TMEM67: variants seen among roughly 807,000 people sequenced by gnomAD.
TMEM67 encodes the protein transmembrane protein 67, also known as meckelin.
A neutral mutation model predicts 136.6 loss-of-function variants in TMEM67; 124 were observed. That is an observed-to-expected ratio of 0.91 (90% CI 0.78 to 1.05). The LOEUF is 1.05. Among genes scored for constraint, TMEM67 ranks in the 50% least tolerant of loss-of-function variants. TMEM67 has a pLI of 0.00. For missense variants in TMEM67, 1,107 were observed against 1,178.4 expected (o/e 0.94, Z 0.89); for synonymous variants, 364 against 390.5 (o/e 0.93, Z 0.80).
In TMEM67 at chr8:93,797,116, A is replaced by G; in HGVS notation, c.1861-18A>G. The G allele has an allele frequency of 5.4e-6, 8 of 1,481,690 alleles. No individual in the cohort carries two copies. Among genetic ancestry groups the G allele is most frequent in the South Asian group, 4.5e-5 (4 of 88,192 alleles). The allele number at this position is 1,481,690 out of a possible 1,614,324, so 91.8% of individuals were successfully genotyped here. ...ACGCTGGTACTTTTTCAGGTGTTTT[A>G]TTATATGTCATTCTCAGGCACTACA... On this transcript the variant is annotated intron_variant, in intron 18 of 27. Transcript: ENST00000453321.
intron 7 of TMEM67, among the ~76,000 whole-genome samples, chr8:93,779,756 G>A (rs575744054): frequency 6.6e-6 from 1 of 152,276 alleles, no homozygotes; most frequent in African/African-American, 2.4e-5. Context: ...CTTCGTCCCA[G>A]AGGGGCGCCC....
At chr8:93,828,622 C>G in the TMEM67 span, among the ~76,000 whole-genome samples, 1 of 152,010 alleles carries the variant, frequency 6.6e-6, no homozygotes, top group Non-Finnish European at 1.5e-5. Context: ...TGCCTGTAAT[C>G]CCAGCTACTC....
intron 14 of TMEM67, 82 bp from the exon 15 acceptor site, chr8:93,791,181 G>C: frequency 1.1e-6 from 1 of 938,052 alleles, no homozygotes; most frequent in Non-Finnish European, 1.7e-6. Context: ...GTAAAACCCA[G>C]CTACAAATGT....
chr8:93,769,190 G>A (rs569956801), intron 6 of TMEM67, among the ~76,000 whole-genome samples: 29 of 152,252 alleles, frequency 1.9e-4, no homozygotes, highest in Admixed American at 1.7e-3. Flanking sequence ...TGATGGGCTC[G>A]TGGGGCAGCT....
Position 93,765,214 on chromosome 8 carries a change from T to C in TMEM67, c.507-192T>C, listed in dbSNP as rs536807539. Among the ~76,000 whole-genome samples, 3 of 152,344 alleles carry C rather than the reference T, an allele frequency of 2.0e-5. No homozygotes were observed. The East Asian group carries it at 5.8e-4, about 29-fold the overall frequency. ...CTCTTCTATTATTGATTAGTTTTACTTACTTTATACTTTGTAACACAGAAT... is the reference window on the plus strand; with the variant it reads ...CTCTTCTATTATTGATTAGTTTTACCTACTTTATACTTTGTAACACAGAAT... On this transcript the variant is annotated intron_variant, in intron 4 of 27. Transcript: ENST00000453321.
intron 13 of TMEM67, among the ~76,000 whole-genome samples, chr8:93,787,209 AT>A (rs753483195): frequency 7.9e-5 from 12 of 152,002 alleles, no homozygotes; most frequent in Non-Finnish European, 1.8e-4. Flanking sequence ...ATTTGGCAAA[AT>A]GAACCTCACT....
In TMEM67 at chr8:93,795,903, A is replaced by C; in HGVS notation, c.1776A>C (p.Ala592=). 6.3e-7 allele frequency: 1 copy of C among 1,595,500 alleles called. No homozygotes were observed. The highest frequency in any genetic ancestry group is 8.6e-7 in the Non-Finnish European group (1 of 1,163,496). Residue 592 remains alanine, a splice_region_variant and synonymous_variant, in exon 18 of 28, where the codon GCA becomes GCC. Transcript: ENST00000453321. The stretch of plus-strand genomic sequence containing the variant: ...TAATCAAGTAATTTTTATTATAGGC[A>C]CAGAAGTCTGTGTCTGTTTTGCTGC... The part of the protein sequence containing the change: ...TGLYWLIFFK[A]QKSVSVLLPM...
intron 3 of TMEM67, chr8:93,761,935 G>C (rs1215428908): frequency 2.0e-5 from 3 of 152,222 alleles, no homozygotes; most frequent in Non-Finnish European, 4.4e-5. Flanking sequence ...CCTGGGAATA[G>C]TGGGAAAGAG....
intron 23 of TMEM67, among the ~76,000 whole-genome samples, chr8:93,805,461 G>T (rs1406214332): frequency 6.6e-6 from 1 of 151,934 alleles, no homozygotes; most frequent in Non-Finnish European, 1.5e-5. Flanking sequence ...GCGGGCGCCT[G>T]TAGTCCCAGC....
In TMEM67 at chr8:93,817,431, A is replaced by T. The variant is rs1392002948; in HGVS notation, c.*979A>T. On this transcript the variant is annotated 3_prime_UTR_variant, in exon 28 of 28. Coordinates refer to ENST00000453321, the MANE Select transcript of TMEM67 (RefSeq NM_153704.6). ...TCCCAGCTATTTGGGAGGCTGAGGCATGAGAATAGCTTGAAACCAGGAGGT... is the reference window on the plus strand; with the variant it reads ...TCCCAGCTATTTGGGAGGCTGAGGCTTGAGAATAGCTTGAAACCAGGAGGT... 6.6e-6 allele frequency: 1 copy of T among 152,218 alleles called. No individual in the cohort carries two copies. Among genetic ancestry groups the T allele is most frequent in the Non-Finnish European group, 1.5e-5 (1 of 68,052 alleles). 9.4% of individuals were successfully genotyped at this position (152,218 alleles called of 1,614,324 possible).
rs375719305 is a variant in TMEM67 at position 93,816,387 on chromosome 8, C to T, written c.2923C>T (p.Arg975Cys). Reference sequence around the variant, plus strand: ...AATTTTCCAGATTTTTAGATATATCCGTAATACAGTAGGACAAAAGAATTT... The same window carrying T: ...AATTTTCCAGATTTTTAGATATATCTGTAATACAGTAGGACAAAAGAATTT... Reference protein sequence around the residue: ...YLQQEIFRYIRNTVGQKNLAS... With the variant: ...YLQQEIFRYICNTVGQKNLAS... The change falls in exon 28 of 28, where the codon CGT becomes TGT. Residue 975 changes from arginine to cysteine, a missense_variant. By Grantham distance (180) the Arg-to-Cys change is radical. Transcript: ENST00000453321. 3.0e-5 allele frequency: 47 copies of T among 1,562,700 alleles called. No homozygotes were observed. The highest frequency in any genetic ancestry group is 8.1e-5 in the African/African-American group (6 of 73,646).
At chr8:93,821,167 CACTT>C (rs1363522316), downstream of TMEM67, among the ~76,000 whole-genome samples, 1 of 152,146 alleles carries the variant, frequency 6.6e-6, no homozygotes, top group East Asian at 1.9e-4. Flanking sequence ...CTCTATGTCA[CACTT>C]ACACAAAAAT....
chr8:93,786,491 C>A, intron 13 of TMEM67, 145 bp downstream of exon 13: 3 of 911,736 alleles, frequency 3.3e-6, no homozygotes, highest in South Asian at 1.5e-5. Flanking sequence ...TTGGCATAGA[C>A]CAGTAAAAGT....
In TMEM67 at chr8:93,754,964, T is replaced by A. The variant is rs1563672487; in HGVS notation, c.50T>A (p.Leu17Ter). The change falls in exon 1 of 28, where the codon TTA becomes TAA. Residue 17 changes from leucine to a stop codon, truncating the protein, a stop_gained. Transcript: ENST00000453321. LOFTEE classifies it high-confidence loss of function. ...AGVAMAVWSL[L>*]SARAVTAFLL... ...GTGGCAATGGCGGTTTGGTCCCTCTTATCCGCCCGGGCCGTGACCGCGTTC... is the reference window on the plus strand; with the variant it reads ...GTGGCAATGGCGGTTTGGTCCCTCTAATCCGCCCGGGCCGTGACCGCGTTC... The A allele has an allele frequency of 1.2e-6, 2 of 1,614,168 alleles. No homozygotes were observed. Among genetic ancestry groups the A allele is most frequent in the South Asian group, 2.2e-5 (2 of 91,082 alleles).
intron 10 of TMEM67, among the ~76,000 whole-genome samples, 193 bp from the exon 11 acceptor site, chr8:93,782,202 C>T (rs886736260): frequency 3.5e-4 from 54 of 152,292 alleles, no homozygotes; most frequent in African/African-American, 1.3e-3. Context: ...GCATGAGCCA[C>T]CATGCCTGGC....
downstream of TMEM67, among the ~76,000 whole-genome samples, chr8:93,823,259 G>A (rs963907527): frequency 1.3e-5 from 2 of 152,166 alleles, no homozygotes; most frequent in African/African-American, 4.8e-5. Context: ...TCTTTGACTT[G>A]GAAGGACTTC....
At position 93,817,003 on chromosome 8, in the gene TMEM67, TG is replaced by T. The variant is rs1265101074; in HGVS notation, c.*552del. On this transcript the variant is annotated 3_prime_UTR_variant, in exon 28 of 28. Coordinates refer to ENST00000453321, the MANE Select transcript of TMEM67 (RefSeq NM_153704.6). The stretch of plus-strand genomic sequence containing the variant: ...CCTCTTTGGCAGTGGATTAATTCAC[TG>T]TTGGGTTAATATGCATCTCATGAAA... 1.3e-5 allele frequency: 2 copies of T among 152,650 alleles called. No individual in the cohort carries two copies. The highest frequency in any genetic ancestry group is 4.8e-5 in the African/African-American group (2 of 41,484). 9.5% of individuals were successfully genotyped at this position (152,650 alleles called of 1,614,324 possible).
In TMEM67 at chr8:93,758,462, A is replaced by AT. The variant is rs367575555; in HGVS notation, c.313-13dup. On this transcript the variant is annotated intron_variant, in intron 2 of 27. Transcript: ENST00000453321. ...AAAGTTAATTAAAAAAGAGAAAAGCATTTTTTTTCTTTTAATTTAGAAAGG... is the reference window on the plus strand; with the variant it reads ...AAAGTTAATTAAAAAAGAGAAAAGCATTTTTTTTTCTTTTAATTTAGAAAGG... 4.0e-4 allele frequency: 634 copies of AT among 1,579,238 alleles called. 1 individual carries two copies. In the African/African-American group the frequency reaches 5.6e-3, roughly 14 times the overall value.
chr8:93,793,379 G>A, intron 16 of TMEM67, 83 bp downstream of exon 16: 1 of 1,204,316 alleles, frequency 8.3e-7, no homozygotes, highest in South Asian at 1.3e-5. Flanking sequence ...TAGAGAATAA[G>A]TAAAAAAGTT....
Sources: allele counts gnomAD v4.1 joint callset (sites outside exome capture counted in the v4.1 genomes callset), GRCh38; gene constraint gnomAD v4.1.1; transcripts MANE v1.5; gene names NCBI Gene and HGNC (gene_info 2026-07-23, HGNC 2026-07-21).